PPFIA3: variants seen among roughly 807,000 people sequenced by gnomAD.
The protein encoded by PPFIA3 is PPFI scaffold protein A3, also known as liprin-alpha-3.
A neutral mutation model predicts 145.8 loss-of-function variants in PPFIA3; 26 were observed. That is an observed-to-expected ratio of 0.18 (90% confidence interval 0.13 to 0.25). PPFIA3 has a LOEUF of 0.25. Ranked by LOEUF, PPFIA3 falls within the 10% of genes least tolerant of loss-of-function variation. The pLI is 1.00. For missense variants in PPFIA3, 1,008 were observed against 1,587.8 expected, an observed-to-expected ratio of 0.63 and a Z score of 6.21; for synonymous variants, 645 against 661.4, an observed-to-expected ratio of 0.98 and a Z score of 0.38.
In PPFIA3 at chr19:49,128,601, C is replaced by G; in HGVS notation, c.342+133C>G. On this transcript the variant is annotated intron_variant, in intron 3 of 29. Transcript: ENST00000334186. The surrounding 1 kb of genome is among the most constrained non-coding windows in gnomAD (Gnocchi z 4.1). ...TCGCCTTTCTGTCTTCTCCTCTTCC[C>G]TGCTCCCACTTCCTGGCTGGTCTCC... is the stretch of plus-strand genomic sequence containing the variant. 1 of 854,638 alleles carries G rather than the reference C, an allele frequency of 1.2e-6. No homozygotes were observed. The highest frequency in any genetic ancestry group is 1.8e-6 in the Non-Finnish European group (1 of 544,086). 52.9% of individuals were successfully genotyped at this position (854,638 alleles called of 1,614,324 possible). A position where few individuals can be genotyped will look rare whatever the true frequency, so the allele number is the denominator to read the frequency against.
In PPFIA3 at chr19:49,135,870, G is replaced by A; in HGVS notation, c.1612G>A (p.Gly538Ser). Residue 538 changes from glycine to serine, a missense_variant, in exon 14 of 30, where the codon GGT becomes AGT. Around this residue, in one of 11 missense-constraint regions of PPFIA3, gnomAD observed 121 missense variants for 138.2 expected, o/e 0.88. Transcript: ENST00000334186. ...CCTGGATCCCTATGTGGCTGGCAGT[G>A]GTCGGGCAGGCAAGAGGGGCCGCTG... ...AHLDPYVAGS[G>S]RAGKRGRWSG... is the part of the protein sequence containing the mutation. 1 of 1,613,754 alleles carries A rather than the reference G, an allele frequency of 6.2e-7. No homozygotes were observed. The highest frequency in any genetic ancestry group is 8.5e-7 in the Non-Finnish European group (1 of 1,179,866).
At chr19:49,122,385 G>GT (rs545265605) in intron 1 of PPFIA3, among the ~76,000 whole-genome samples, 9 of 151,956 alleles carry the variant, frequency 5.9e-5, no homozygotes, top group Non-Finnish European at 1.0e-4. Flanking sequence ...CACAGCCTTT[G>GT]TTTTTTTCAT....
At position 49,141,393 on chromosome 19, in the gene PPFIA3, C is replaced by A. The variant is rs970247323; in HGVS notation, c.2369-27C>A. ...ATTCTGCCTCCCCCTTGAGATTTTCCAAATTTCGACCCCTCCCTGCCTCCA... is the reference window on the plus strand; with the variant it reads ...ATTCTGCCTCCCCCTTGAGATTTTCAAAATTTCGACCCCTCCCTGCCTCCA... On this transcript the variant is annotated intron_variant, in intron 18 of 29. Transcript: ENST00000334186. The A allele has an allele frequency of 3.8e-6, 6 of 1,596,338 alleles. No individual in the cohort carries two copies. The Admixed American group carries it at 8.4e-5, about 22-fold the overall frequency.
intron 20 of PPFIA3, 133 bp downstream of exon 20, chr19:49,142,248 T>TGAG (rs1311932101): frequency 1.1e-5 from 9 of 790,790 alleles, no homozygotes; most frequent in Admixed American, 2.8e-5. Flanking sequence ...GCCTGGCAGG[T>TGAG]GAGGACCCAG....
In PPFIA3 at chr19:49,130,772, G is replaced by T. The variant is rs969593530; in HGVS notation, c.879+173G>T. Among the ~76,000 whole-genome samples, 5 of 152,240 alleles carry T rather than the reference G, an allele frequency of 3.3e-5. No individual in the cohort carries two copies. The highest frequency in any genetic ancestry group is 1.2e-4 in the African/African-American group (5 of 41,462). On this transcript the variant is annotated intron_variant, in intron 7 of 29. Coordinates refer to ENST00000334186, the MANE Select transcript of PPFIA3 (RefSeq NM_003660.4). This position sits in a 1 kb window ranked among gnomAD's most constrained non-coding sequence, Gnocchi z 4.5. The stretch of plus-strand genomic sequence containing the variant: ...GGAAATGTATGATTCTCATCAGAGG[G>T]TGAGCCTGTGGCGCAGAGTAGGCGC...
intron 1 of PPFIA3, among the ~76,000 whole-genome samples, chr19:49,127,596 TA>T (rs200973890): frequency 1.3e-4 from 19 of 148,272 alleles, no homozygotes; most frequent in Non-Finnish European, 2.4e-4. Flanking sequence ...GAGACCCTGT[TA>T]AAAAAAAATA....
At position 49,149,551 on chromosome 19, in the gene PPFIA3, G is replaced by C; in HGVS notation, c.3359G>C (p.Ser1120Thr). 2.5e-6 allele frequency: 4 copies of C among 1,614,198 alleles called. No individual in the cohort carries two copies. Among genetic ancestry groups the C allele is most frequent in the Non-Finnish European group, 3.4e-6 (4 of 1,180,040 alleles). The change falls in exon 28 of 30, where the codon AGC becomes ACC. Residue 1120 changes from serine to threonine, a missense_variant. By Grantham distance (58) the Ser-to-Thr change is moderately conservative. Transcript: ENST00000334186. This position sits in a 1 kb window ranked among gnomAD's most constrained non-coding sequence, Gnocchi z 5.7. ...LGTDRRLDED[S>T]AKSFSRSPSW... ...CTGTCCGGCTCCTATACCTAGGACA[G>C]CGCCAAGTCTTTCAGCCGCTCCCCA...
In PPFIA3 at chr19:49,147,650, C is replaced by T. The variant is rs578070833; in HGVS notation, c.2836-433C>T. ...GCAGTGAGACGAGATCGTGCCACCG[C>T]GCTCCAGCCTGGGTGACATAGCAGA... On this transcript the variant is annotated intron_variant, in intron 23 of 29. Coordinates refer to ENST00000334186, the MANE Select transcript of PPFIA3 (RefSeq NM_003660.4). 4.0e-5 allele frequency among the ~76,000 whole-genome samples: 6 copies of T among 151,418 alleles called. No homozygotes were observed. The East Asian group carries it at 5.8e-4, about 15-fold the overall frequency.
At chr19:49,138,579 G>T in intron 16 of PPFIA3, 152 bp downstream of exon 16, 1 of 547,158 alleles carries the variant, frequency 1.8e-6, no homozygotes, top group Admixed American at 4.1e-5. Flanking sequence ...AAGGGCAAAG[G>T]GGAGGCTGAG....
chr19:49,122,624 C>A (rs948554265), intron 1 of PPFIA3, among the ~76,000 whole-genome samples: 11 of 151,730 alleles, frequency 7.2e-5, no homozygotes, highest in African/African-American at 2.7e-4. Flanking sequence ...GCCATTGATT[C>A]TAGAATGCCC....
At chr19:49,145,726 C>T (rs2041272172) in intron 21 of PPFIA3, 1 of 585,890 alleles carries the variant, frequency 1.7e-6, no homozygotes, top group South Asian at 2.0e-5. Flanking sequence ...ATGGCAGGGT[C>T]CCAATTCCAA....
chr19:49,147,557 C>T (rs569975554), intron 23 of PPFIA3, among the ~76,000 whole-genome samples: 65 of 151,788 alleles, frequency 4.3e-4, no homozygotes, highest in African/African-American at 1.4e-3. Context: ...CGTGGTGGCT[C>T]GTACCTGTAA....
chr19:49,130,653 T>G lies in PPFIA3; in HGVS notation c.879+54T>G. On this transcript the variant is annotated intron_variant, in intron 7 of 29. Coordinates refer to ENST00000334186, the MANE Select transcript of PPFIA3 (RefSeq NM_003660.4). This position sits in a 1 kb window ranked among gnomAD's most constrained non-coding sequence, Gnocchi z 4.5. ...TGGGTCCCTCGCCTTTCCGTAGAGC[T>G]CTCCCTCGCGCATTGCTCATGAATG... 1 of 1,462,948 alleles carries G rather than the reference T, an allele frequency of 6.8e-7. No individual in the cohort carries two copies. The allele number at this position is 1,462,948 out of a possible 1,614,324, so 90.6% of individuals were successfully genotyped here. A position where few individuals can be genotyped will look rare whatever the true frequency, so the allele number is the denominator to read the frequency against.
chr19:49,147,057 C>G (rs2122650039), intron 23 of PPFIA3, among the ~76,000 whole-genome samples: 1 of 152,258 alleles, frequency 6.6e-6, no homozygotes, highest in African/African-American at 2.4e-5. Flanking sequence ...GGATTTTGTG[C>G]TGATGCTGAA....
Position 49,128,685 on chromosome 19 carries a change from G to C in PPFIA3, c.343-163G>C. The C allele has an allele frequency of 1.2e-6, 1 of 801,706 alleles. No homozygotes were observed. Among genetic ancestry groups the C allele is most frequent in the South Asian group, 1.8e-5 (1 of 54,616 alleles). The allele number at this position is 801,706 out of a possible 1,614,324, so 49.7% of individuals were successfully genotyped here. A position where few individuals can be genotyped will look rare whatever the true frequency, so the allele number is the denominator to read the frequency against. On this transcript the variant is annotated intron_variant, in intron 3 of 29. Coordinates refer to ENST00000334186, the MANE Select transcript of PPFIA3 (RefSeq NM_003660.4). The surrounding 1 kb of genome is among the most constrained non-coding windows in gnomAD (Gnocchi z 4.1). The stretch of plus-strand genomic sequence containing the variant: ...TAACTTTTCTCTTTTCTGTACCACC[G>C]GTTCCTTGACCCCGACCTCCTCTCT...
Position 49,120,923 on chromosome 19 carries a change from G to T in PPFIA3, c.-16+1201G>T, listed in dbSNP as rs572439093. Among the ~76,000 whole-genome samples the T allele has an allele frequency of 1.3e-5, 2 of 152,086 alleles. No individual in the cohort carries two copies. Among genetic ancestry groups the T allele is most frequent in the Non-Finnish European group, 2.9e-5 (2 of 68,026 alleles). ...ATCATTTACCTCCACAAGGATTCAG[G>T]AGTCCAGGCTCCCAGCTCTGTCCAC... On this transcript the variant is annotated intron_variant, in intron 1 of 29. Transcript: ENST00000334186. The surrounding 1 kb of genome is among the most constrained non-coding windows in gnomAD (Gnocchi z 4.6).
rs1476268574 is a variant in PPFIA3 at position 49,146,204 on chromosome 19, G to A, written c.2835+12G>A. On this transcript the variant is annotated intron_variant, in intron 23 of 29. Transcript: ENST00000334186. ...TCAGCTGGGAGCAGGTAGGGGGCGC[G>A]GGGCGGGGCGTGAGCGCATGAACAG... is the stretch of plus-strand genomic sequence containing the variant. 7.4e-6 allele frequency: 12 copies of A among 1,613,218 alleles called. No individual in the cohort carries two copies. Among genetic ancestry groups the A allele is most frequent in the Admixed American group, 1.7e-5 (1 of 59,948 alleles).
intron 14 of PPFIA3, 50 bp downstream of exon 14, chr19:49,135,973 C>A: frequency 1.3e-6 from 2 of 1,494,960 alleles, no homozygotes; most frequent in Non-Finnish European, 1.8e-6. Context: ...GGGCGGGCAG[C>A]TGTAGGAAGT....
intron 19 of PPFIA3, 76 bp downstream of exon 19, chr19:49,141,589 TGTGTGTGTATGA>T: frequency 8.7e-7 from 1 of 1,152,890 alleles, no homozygotes. Context: ...TGTGCGTGTA[TGTGTGTGTATGA>T]GTGTGTGTGT....
Sources: gnomAD v4.1 joint callset for allele counts (sites outside exome capture counted in the v4.1 genomes callset) on GRCh38, gnomAD v4.1.1 for gene constraint, gnomAD v4.1.1 regional missense constraint, Gnocchi (gnomAD v3.1) non-coding constraint, MANE v1.5 for transcripts, NCBI Gene and HGNC (gene_info 2026-07-23, HGNC 2026-07-21) for gene names.